ADAMTS6: variants seen among roughly 807,000 people sequenced by gnomAD.
ADAMTS6 encodes A disintegrin and metalloproteinase with thrombospondin motifs 6.
A neutral mutation model predicts 144.3 loss-of-function variants in ADAMTS6; 23 were observed. That is an observed-to-expected ratio of 0.16 (90% CI 0.11 to 0.23). ADAMTS6 has a LOEUF of 0.23. Among genes scored for constraint, ADAMTS6 ranks in the 10% least tolerant of loss-of-function variants. The probability of loss-of-function intolerance (pLI) is 1.00; values close to 1 mark genes in which losing one functional copy is unlikely to be tolerated. For missense variants in ADAMTS6, 999 were observed against 1,379.6 expected, an observed-to-expected ratio of 0.72 and a Z score of 4.37; for synonymous variants, 444 against 457.5, an observed-to-expected ratio of 0.97 and a Z score of 0.38.
intron 22 of ADAMTS6, among the ~76,000 whole-genome samples, chr5:65,176,353 A>C (rs1341756682): frequency 6.6e-6 from 1 of 152,228 alleles, no homozygotes; most frequent in Non-Finnish European, 1.5e-5. Flanking sequence ...AATGTAAAAC[A>C]AAACAGTTTA....
At chr5:65,368,995 G>A (rs1344555477) in intron 7 of ADAMTS6, among the ~76,000 whole-genome samples, 1 of 152,194 alleles carries the variant, frequency 6.6e-6, no homozygotes, top group Non-Finnish European at 1.5e-5. Flanking sequence ...GGCAGAGTGG[G>A]CAGTGGGCTG....
At chr5:65,259,000 A>G (rs1193613260) in intron 14 of ADAMTS6, among the ~76,000 whole-genome samples, 1 of 152,174 alleles carries the variant, frequency 6.6e-6, no homozygotes, top group East Asian at 1.9e-4. Flanking sequence ...GAGTATTGGT[A>G]GAGCAGAGAC....
intron 20 of ADAMTS6, among the ~76,000 whole-genome samples, chr5:65,212,335 A>C (rs1231985969): frequency 6.6e-6 from 1 of 151,734 alleles, no homozygotes; most frequent in African/African-American, 2.4e-5. Flanking sequence ...AACCACCTCC[A>C]GTATCTAAGA....
intron 14 of ADAMTS6, among the ~76,000 whole-genome samples, chr5:65,253,897 G>A (rs1295117555): frequency 3.1e-5 from 4 of 127,536 alleles, no homozygotes; most frequent in African/African-American, 6.1e-5. Context: ...ATGCGATCTC[G>A]GCTCACTGCA....
In ADAMTS6 at chr5:65,226,004, A is replaced by G; in HGVS notation, c.2067+82T>C. ...TGTGGTCCCCTTTTTTTAAAAAATT[A>G]AACATAGTATTAAATAGGAGTTAAT... On this transcript the variant is annotated intron_variant, in intron 16 of 24. Coordinates refer to ENST00000381055, the MANE Select transcript of ADAMTS6 (RefSeq NM_197941.4). 2.2e-6 allele frequency: 3 copies of G among 1,379,392 alleles called. No homozygotes were observed. In the South Asian group the frequency reaches 5.7e-5, roughly 26 times the overall value. 85.4% of individuals were successfully genotyped at this position (1,379,392 alleles called of 1,614,324 possible).
chr5:65,390,953 G>GT (rs1752862079), intron 7 of ADAMTS6, among the ~76,000 whole-genome samples: 1 of 144,140 alleles, frequency 6.9e-6, no homozygotes, highest in African/African-American at 2.8e-5. Context: ...GTTTTTTGAG[G>GT]GTTTTTTTTT....
At chr5:65,310,309 T>C (rs977188312) in intron 9 of ADAMTS6, among the ~76,000 whole-genome samples, 5 of 152,176 alleles carry the variant, frequency 3.3e-5, no homozygotes. Flanking sequence ...GGTATTTCTT[T>C]ACAGAAATGC....
rs755969509 is a variant in ADAMTS6 at position 65,214,708 on chromosome 5, C to G, written c.2575+86G>C. ...ACCTGCAAGAAATGTTTCCAATTAG[C>G]TTTTTTAACAAACACAAAGCATAGC... On this transcript the variant is annotated intron_variant, in intron 20 of 24. Coordinates refer to ENST00000381055, the MANE Select transcript of ADAMTS6 (RefSeq NM_197941.4). The surrounding 1 kb of genome is among the most constrained non-coding windows in gnomAD (Gnocchi z 4.6). The G allele has an allele frequency of 6.3e-7, 1 of 1,598,690 alleles. No individual in the cohort carries two copies. Among genetic ancestry groups the G allele is most frequent in the Non-Finnish European group, 8.5e-7 (1 of 1,169,818 alleles).
intron 7 of ADAMTS6, among the ~76,000 whole-genome samples, chr5:65,342,793 T>C (rs1054659799): frequency 6.6e-6 from 1 of 152,080 alleles, no homozygotes; most frequent in African/African-American, 2.4e-5. Context: ...TAATCTTATA[T>C]ATAGAAAACT....
intron 18 of ADAMTS6, among the ~76,000 whole-genome samples, chr5:65,219,394 A>G (rs1026947553): frequency 6.6e-6 from 1 of 152,214 alleles, no homozygotes; most frequent in Admixed American, 6.5e-5. Flanking sequence ...TAAAAATGCA[A>G]TGATTGTTAG....
chr5:65,311,110 G>C (rs1744454373), intron 9 of ADAMTS6, among the ~76,000 whole-genome samples: 1 of 152,124 alleles, frequency 6.6e-6, no homozygotes, highest in South Asian at 2.1e-4. Context: ...TCTGGAATTA[G>C]GTGCTCAGCA....
chr5:65,408,797 G>C (rs917040056), intron 7 of ADAMTS6, among the ~76,000 whole-genome samples: 1 of 152,118 alleles, frequency 6.6e-6, no homozygotes, highest in African/African-American at 2.4e-5. Flanking sequence ...ATAACAAACT[G>C]TCTCTCAGAC....
chr5:65,450,700 T>C (rs541656129), intron 7 of ADAMTS6, among the ~76,000 whole-genome samples: 1 of 152,250 alleles, frequency 6.6e-6, no homozygotes, highest in African/African-American at 2.4e-5. Flanking sequence ...CATCGTATAA[T>C]CAAAGACAGG....
At chr5:65,160,047 C>T (rs1561232186) in intron 24 of ADAMTS6, among the ~76,000 whole-genome samples, 1 of 152,146 alleles carries the variant, frequency 6.6e-6, no homozygotes, top group African/African-American at 2.4e-5. Context: ...GGAGGGAGAC[C>T]ATTACCCAAA....
At chr5:65,307,469 T>G (rs1399135675) in intron 9 of ADAMTS6, among the ~76,000 whole-genome samples, 1 of 152,224 alleles carries the variant, frequency 6.6e-6, no homozygotes, top group African/African-American at 2.4e-5. Context: ...AATGCAGACC[T>G]AATCAACAGT....
In ADAMTS6 at chr5:65,470,861, A is replaced by T. The variant is rs1461028901; in HGVS notation, c.379T>A (p.Phe127Ile). The change falls in exon 3 of 25, where the codon TTT (phenylalanine) becomes ATT (isoleucine). Residue 127 changes from phenylalanine (F) to isoleucine (I), a missense_variant. Phe to Ile is a conservative substitution (Grantham distance 21). Around this residue, in one of 3 missense-constraint regions of ADAMTS6, gnomAD observed 252 missense variants for 293.7 expected, o/e 0.86. Coordinates refer to ENST00000381055, the MANE Select transcript of ADAMTS6 (RefSeq NM_197941.4). ...GKDGPQWKHD[F>I]LDNCHYTGYL... ...CCTGTGTAATGACAGTTGTCTAAAA[A>T]ATCATGTTTCCACTGGGGTCCATCT... 6.2e-6 allele frequency: 10 copies of T among 1,609,570 alleles called. No individual in the cohort carries two copies. In the East Asian group the frequency reaches 1.8e-4, roughly 29 times the overall value.
intron 7 of ADAMTS6, among the ~76,000 whole-genome samples, chr5:65,441,883 A>C (rs1322113212): frequency 6.6e-6 from 1 of 151,982 alleles, no homozygotes; most frequent in South Asian, 2.1e-4. Context: ...AGTATTTTGA[A>C]CTGAATGGAA....
intron 7 of ADAMTS6, among the ~76,000 whole-genome samples, chr5:65,378,790 ATTAAG>A (rs1453856397): frequency 1.2e-4 from 19 of 152,318 alleles, no homozygotes; most frequent in Non-Finnish European, 2.5e-4. Flanking sequence ...TTTCATATAA[ATTAAG>A]CTTCTAACTC....
At position 65,214,522 on chromosome 5, in the gene ADAMTS6, C is replaced by T; in HGVS notation, c.2575+272G>A. ...GAATGTGTTCACGAAAGGCAAACAG[C>T]CCACCTTCAAGATAGTCTTGGGAGA... On this transcript the variant is annotated intron_variant, in intron 20 of 24. Coordinates refer to ENST00000381055, the MANE Select transcript of ADAMTS6 (RefSeq NM_197941.4). The surrounding 1 kb of genome is among the most constrained non-coding windows in gnomAD (Gnocchi z 4.6). The T allele has an allele frequency of 2.0e-6, 1 of 500,562 alleles. No homozygotes were observed. Among genetic ancestry groups the T allele is most frequent in the Non-Finnish European group, 3.6e-6 (1 of 276,412 alleles). 31.0% of individuals were successfully genotyped at this position (500,562 alleles called of 1,614,324 possible).
Sources: gnomAD v4.1 joint callset for allele counts (sites outside exome capture counted in the v4.1 genomes callset) on GRCh38, gnomAD v4.1.1 for gene constraint, gnomAD v4.1.1 regional missense constraint, Gnocchi (gnomAD v3.1) non-coding constraint, MANE v1.5 for transcripts, NCBI Gene and HGNC (gene_info 2026-07-23, HGNC 2026-07-21) for gene names.